The following NKAIN2 variants were observed in gnomAD, a reference collection of about 807,000 sequenced individuals.
The protein encoded by NKAIN2 is sodium/potassium transporting ATPase interacting 2, also known as sodium/potassium-transporting ATPase subunit beta-1-interacting protein 2.
In NKAIN2, 14 loss-of-function variants were observed where a neutral mutation model predicts 32.6. The ratio of observed to expected loss-of-function variants is 0.43; its 90% confidence interval spans 0.28 to 0.67. The LOEUF is 0.67. Among genes scored for constraint, NKAIN2 ranks in the 30% least tolerant of loss-of-function variants. NKAIN2 has a pLI of 0.17. For missense variants in NKAIN2, 198 were observed against 258.3 expected, an observed-to-expected ratio of 0.77 and a Z score of 1.60; for synonymous variants, 80 against 87.2, an observed-to-expected ratio of 0.92 and a Z score of 0.46.
chr6:123,872,188 T>C (rs1264555989), intron 1 of NKAIN2, among the ~76,000 whole-genome samples: 1 of 152,164 alleles, frequency 6.6e-6, no homozygotes, highest in Non-Finnish European at 1.5e-5. Flanking sequence ...GAGGTGAGGA[T>C]TCAAGTAAAA....
intron 3 of NKAIN2, among the ~76,000 whole-genome samples, chr6:124,501,702 A>C (rs1414590672): frequency 6.6e-6 from 1 of 152,088 alleles, no homozygotes; most frequent in Non-Finnish European, 1.5e-5. Context: ...TCCTTGATAC[A>C]TTATAGAGCC....
chr6:124,032,315 A>C (rs897357875), intron 1 of NKAIN2, among the ~76,000 whole-genome samples: 6 of 151,458 alleles, frequency 4.0e-5, no homozygotes, highest in Middle Eastern at 3.4e-3. Context: ...AATGTAAATG[A>C]CGAGTTAATG....
intron 1 of NKAIN2, among the ~76,000 whole-genome samples, chr6:123,931,878 A>C (rs1776266957): frequency 6.6e-6 from 1 of 152,138 alleles, no homozygotes; most frequent in African/African-American, 2.4e-5. Context: ...TGCAGCCTTC[A>C]TTTTATCATC....
chr6:123,941,709 C>T (rs1344304470), intron 1 of NKAIN2, among the ~76,000 whole-genome samples: 1 of 151,976 alleles, frequency 6.6e-6, no homozygotes, highest in Non-Finnish European at 1.5e-5. Flanking sequence ...CCAGGAATAG[C>T]ATTTCCAAGA....
chr6:123,885,633 A>T (rs1015229420), intron 1 of NKAIN2, among the ~76,000 whole-genome samples: 5 of 152,024 alleles, frequency 3.3e-5, no homozygotes, highest in Non-Finnish European at 7.4e-5. Flanking sequence ...ATTTGAGACA[A>T]ATGTGTTTTC....
At chr6:124,562,292 A>G (rs1032552003) in intron 3 of NKAIN2, among the ~76,000 whole-genome samples, 2 of 152,174 alleles carry the variant, frequency 1.3e-5, no homozygotes, top group Non-Finnish European at 2.9e-5. Context: ...TCATTCAAAT[A>G]AAAAAATGAA....
At chr6:124,077,780 G>A (rs1164456623) in intron 1 of NKAIN2, among the ~76,000 whole-genome samples, 1 of 150,932 alleles carries the variant, frequency 6.6e-6, no homozygotes, top group African/African-American at 2.4e-5. Flanking sequence ...TTTATTTTTT[G>A]TGGAGTTGAA....
chr6:124,581,706 T>C (rs920377328), intron 3 of NKAIN2, among the ~76,000 whole-genome samples: 53 of 152,096 alleles, frequency 3.5e-4, no homozygotes, highest in African/African-American at 1.3e-3. Flanking sequence ...ACAAGAGAAA[T>C]TTTGGAAAGG....
chr6:123,850,033 C>A (rs1217885894), intron 1 of NKAIN2, among the ~76,000 whole-genome samples: 1 of 144,630 alleles, frequency 6.9e-6, no homozygotes, highest in Non-Finnish European at 1.5e-5. Context: ...GTCTCCAACT[C>A]CTGGGCTTAA....
intron 3 of NKAIN2, among the ~76,000 whole-genome samples, chr6:124,388,134 C>T (rs1458739284): frequency 6.6e-6 from 1 of 151,838 alleles, no homozygotes; most frequent in Non-Finnish European, 1.5e-5. Flanking sequence ...GGTTCAATAC[C>T]CTAGATCTAG....
intron 5 of NKAIN2, among the ~76,000 whole-genome samples, chr6:124,805,659 T>G (rs1251768450): frequency 6.6e-6 from 1 of 152,170 alleles, no homozygotes; most frequent in Non-Finnish European, 1.5e-5. Flanking sequence ...TTTGACGAGT[T>G]GAGAGAAGAA....
At chr6:124,170,843 G>C (rs1788806956) in intron 1 of NKAIN2, among the ~76,000 whole-genome samples, 1 of 152,044 alleles carries the variant, frequency 6.6e-6, no homozygotes, top group Admixed American at 6.6e-5. Context: ...CATATCTGTG[G>C]TCTCTTTCGG....
At position 124,227,170 on chromosome 6, in the gene NKAIN2, T is replaced by G. The variant is rs75000839; in HGVS notation, c.55-55835T>G. Among the ~76,000 whole-genome samples the G allele has an allele frequency of 8.2e-3, 1,249 of 151,966 alleles. 13 individuals carry two copies. Among genetic ancestry groups the G allele is most frequent in the African/African-American group, 0.027 (1,107 of 41,498 alleles). On this transcript the variant is annotated intron_variant, in intron 1 of 6. Transcript: ENST00000368417. Reference sequence around the variant, plus strand: ...TCCTTATTGAGTGCATTTATGCCACTTAGAGGGACTTGATCACACATTTCT... The same window carrying G: ...TCCTTATTGAGTGCATTTATGCCACGTAGAGGGACTTGATCACACATTTCT...
At position 123,804,066 on chromosome 6, in the gene NKAIN2, G is replaced by T. The variant is rs1773106549; in HGVS notation, c.-135G>T. On this transcript the variant is annotated 5_prime_UTR_variant, in exon 1 of 7. Coordinates refer to ENST00000368417, the MANE Select transcript of NKAIN2 (RefSeq NM_001040214.3). ...AATGCCTGTCACTTCCCAGGACGCT[G>T]GCAGCAGCAGCAGCCCGGAGCCCCC... is the stretch of plus-strand genomic sequence containing the variant. The T allele has an allele frequency of 1.2e-6, 1 of 833,148 alleles. No individual in the cohort carries two copies. Among genetic ancestry groups the T allele is most frequent in the South Asian group, 1.4e-5 (1 of 72,172 alleles). The allele number at this position is 833,148 out of a possible 1,614,324, so 51.6% of individuals were successfully genotyped here. A position where few individuals can be genotyped will look rare whatever the true frequency, so the allele number is the denominator to read the frequency against.
intron 1 of NKAIN2, among the ~76,000 whole-genome samples, chr6:123,813,108 T>A (rs966424185): frequency 9.2e-5 from 14 of 152,234 alleles, no homozygotes; most frequent in African/African-American, 3.1e-4. Context: ...GTGTTATTTG[T>A]ATTATAGTCT....
At chr6:124,692,335 G>A (rs973992650) in intron 4 of NKAIN2, among the ~76,000 whole-genome samples, 1 of 152,056 alleles carries the variant, frequency 6.6e-6, no homozygotes, top group Admixed American at 6.6e-5. Flanking sequence ...AAAAATCATT[G>A]AGACAAAGTA....
At chr6:124,758,117 G>C (rs887602556) in intron 4 of NKAIN2, among the ~76,000 whole-genome samples, 4 of 152,074 alleles carry the variant, frequency 2.6e-5, no homozygotes, top group Non-Finnish European at 5.9e-5. Context: ...TTAATGTTTT[G>C]AGAGAAGACT....
intron 1 of NKAIN2, among the ~76,000 whole-genome samples, chr6:124,269,714 G>A (rs562232799): frequency 2.6e-5 from 4 of 151,650 alleles, no homozygotes; most frequent in East Asian, 2.0e-4. Context: ...GTGATCCAAC[G>A]GCCTCGGCCT....
chr6:124,119,240 G>A (rs1174911612), intron 1 of NKAIN2, among the ~76,000 whole-genome samples: 1 of 152,126 alleles, frequency 6.6e-6, no homozygotes, highest in Non-Finnish European at 1.5e-5. Flanking sequence ...ATGAATGAGT[G>A]TAATTAATCG....
Sources: gnomAD v4.1 joint callset for allele counts (sites outside exome capture counted in the v4.1 genomes callset) on GRCh38, gnomAD v4.1.1 for gene constraint, MANE v1.5 for transcripts, NCBI Gene and HGNC (gene_info 2026-07-23, HGNC 2026-07-21) for gene names.